The following SLC14A2 variants were observed in gnomAD, a reference collection of about 807,000 sequenced individuals.
The protein encoded by SLC14A2 is solute carrier family 14 member 2.
In SLC14A2, 91 loss-of-function variants were observed where a neutral mutation model predicts 104.6. The ratio of observed to expected loss-of-function variants is 0.87; its 90% CI spans 0.73 to 1.04. SLC14A2 has a LOEUF of 1.04. Ranked by LOEUF, SLC14A2 falls within the 50% of genes least tolerant of loss-of-function variation. The pLI is 0.00. For synonymous variants in SLC14A2, 476 were observed against 466.4 expected, an observed-to-expected ratio of 1.02 and a Z score of -0.27; for missense variants, 1,189 against 1,156.0, an observed-to-expected ratio of 1.03 and a Z score of -0.41.
intron 1 of SLC14A2, among the ~76,000 whole-genome samples, chr18:45,235,866 T>TACAC (rs577311955): frequency 1.6e-4 from 16 of 99,044 alleles, no homozygotes; most frequent in African/African-American, 3.1e-4. Flanking sequence ...CATATATGTG[T>TACAC]GTATATATGT....
intron 2 of SLC14A2, among the ~76,000 whole-genome samples, chr18:45,562,660 T>C (rs1236727458): frequency 1.3e-5 from 2 of 152,128 alleles, no homozygotes; most frequent in Non-Finnish European, 2.9e-5. Flanking sequence ...GCCTGGGTGG[T>C]ATTTTTCCAT....
intron 2 of SLC14A2, among the ~76,000 whole-genome samples, chr18:45,516,632 C>T (rs2043445665): frequency 6.6e-6 from 1 of 152,146 alleles, no homozygotes; most frequent in African/African-American, 2.4e-5. Flanking sequence ...CTTTTTGCTG[C>T]TTAATAGGAA....
At chr18:45,266,572 C>A (rs149956092) in intron 1 of SLC14A2, among the ~76,000 whole-genome samples, 192 of 152,076 alleles carry the variant, frequency 1.3e-3, no homozygotes, top group Middle Eastern at 6.9e-3. Flanking sequence ...CCTAAACTCC[C>A]TTAAAAAAAA....
chr18:45,183,682 T>C, the SLC14A2 span, among the ~76,000 whole-genome samples: 1 of 151,788 alleles, frequency 6.6e-6, no homozygotes, highest in African/African-American at 2.4e-5. Flanking sequence ...TTTCTTTCTT[T>C]CTCTCTTTCT....
chr18:45,254,269 C>T (rs1290486884), intron 1 of SLC14A2, among the ~76,000 whole-genome samples: 1 of 152,184 alleles, frequency 6.6e-6, no homozygotes, highest in Admixed American at 6.5e-5. Flanking sequence ...ATTGTCATGT[C>T]CTGTATTTGG....
At chr18:45,287,428 G>A (rs1396083668) in intron 1 of SLC14A2, among the ~76,000 whole-genome samples, 19 of 152,260 alleles carry the variant, frequency 1.2e-4, no homozygotes, top group Non-Finnish European at 5.9e-5. Flanking sequence ...AGGCCCTGCA[G>A]GGCAGGCCTT....
the SLC14A2 span, among the ~76,000 whole-genome samples, chr18:45,195,293 T>A: frequency 6.6e-6 from 1 of 152,230 alleles, no homozygotes; most frequent in Non-Finnish European, 1.5e-5. Context: ...GGTACAGAAG[T>A]TACAGAGAAA....
intron 1 of SLC14A2, among the ~76,000 whole-genome samples, chr18:45,336,905 T>G (rs185946577): frequency 1.1e-4 from 16 of 152,170 alleles, no homozygotes; most frequent in Admixed American, 3.9e-4. Context: ...ATTTACTGAG[T>G]ATACAATATG....
chr18:45,432,994 TC>T (rs1445755387), intron 1 of SLC14A2, among the ~76,000 whole-genome samples: 1 of 152,230 alleles, frequency 6.6e-6, no homozygotes, highest in African/African-American at 2.4e-5. Flanking sequence ...TGTTTTCTAC[TC>T]TTTCTGTCCT....
At chr18:45,609,862 T>A (rs2044942704) in intron 2 of SLC14A2, among the ~76,000 whole-genome samples, 1 of 152,184 alleles carries the variant, frequency 6.6e-6, no homozygotes, top group Admixed American at 6.5e-5. Context: ...GTGATTTAAA[T>A]TCCACTGGCC....
intron 10 of SLC14A2, among the ~76,000 whole-genome samples, chr18:45,657,226 C>T (rs1001569124): frequency 2.0e-5 from 3 of 152,140 alleles, no homozygotes; most frequent in Non-Finnish European, 4.4e-5. Flanking sequence ...AATCCCAACA[C>T]TTTGGGAGGC....
chr18:45,424,469 G>T (rs547689569), intron 1 of SLC14A2, among the ~76,000 whole-genome samples: 27 of 152,348 alleles, frequency 1.8e-4, no homozygotes, highest in African/African-American at 6.5e-4. Flanking sequence ...ATGCCTGAAG[G>T]CAGGAAGAAA....
At chr18:45,232,642 CTG>C (rs900755978) in intron 1 of SLC14A2, among the ~76,000 whole-genome samples, 3 of 152,106 alleles carry the variant, frequency 2.0e-5, no homozygotes, top group Non-Finnish European at 4.4e-5. Context: ...CATAGACAAT[CTG>C]TTTGTGAACC....
chr18:45,379,782 TTTG>T (rs1453847246), intron 1 of SLC14A2, among the ~76,000 whole-genome samples: 1 of 152,158 alleles, frequency 6.6e-6, no homozygotes, highest in Non-Finnish European at 1.5e-5. Context: ...GTCCTCTAAT[TTTG>T]TTGTTATCCC....
chr18:45,188,899 T>C, the SLC14A2 span, among the ~76,000 whole-genome samples: 1 of 152,236 alleles, frequency 6.6e-6, no homozygotes, highest in African/African-American at 2.4e-5. Flanking sequence ...AAATAAAGTA[T>C]GAGCTATCTG....
At chr18:45,411,481 A>C (rs2086215309) in intron 1 of SLC14A2, among the ~76,000 whole-genome samples, 1 of 152,202 alleles carries the variant, frequency 6.6e-6, no homozygotes, top group East Asian at 1.9e-4. Flanking sequence ...CTTTGTGAGC[A>C]CAAAACAGAT....
At chr18:45,207,656 T>G in the SLC14A2 span, among the ~76,000 whole-genome samples, 1 of 152,144 alleles carries the variant, frequency 6.6e-6, no homozygotes, top group Non-Finnish European at 1.5e-5. Flanking sequence ...AATAATTTTT[T>G]GTTAAGAAGT....
At chr18:45,177,236 C>A in the SLC14A2 span, among the ~76,000 whole-genome samples, 2 of 121,754 alleles carry the variant, frequency 1.6e-5, no homozygotes, top group Non-Finnish European at 3.8e-5. Context: ...CTCATGCATT[C>A]CACTAGCCCC....
chr18:45,405,530 G>T (rs2086144429), intron 1 of SLC14A2, among the ~76,000 whole-genome samples: 1 of 152,156 alleles, frequency 6.6e-6, no homozygotes, highest in Non-Finnish European at 1.5e-5. Flanking sequence ...CTATATTGTA[G>T]TCTATTAAGT....
Sources: gnomAD v4.1 joint callset for allele counts (sites outside exome capture counted in the v4.1 genomes callset) on GRCh38, gnomAD v4.1.1 for gene constraint, MANE v1.5 for transcripts, NCBI Gene and HGNC (gene_info 2026-07-23, HGNC 2026-07-21) for gene names.